The following GIN1 variants were observed in gnomAD, a reference collection of about 807,000 sequenced individuals.
GIN1 encodes the protein gypsy retrotransposon integrase 1.
Under a neutral mutation model 51.4 loss-of-function variants are expected in GIN1, and 41 were observed. The ratio of observed to expected loss-of-function variants is 0.80; its 90% confidence interval spans 0.62 to 1.04. The LOEUF is 1.04. Among genes scored for constraint, GIN1 ranks in the 50% least tolerant of loss-of-function variants. The pLI, the probability that GIN1 is intolerant of heterozygous loss-of-function variation, is 0.00. For synonymous variants in GIN1, 222 were observed against 206.5 expected (o/e 1.07, Z -0.64); for missense variants, 610 against 612.4 (o/e 1.00, Z 0.04).
At chr5:103,109,833 T>A (rs1220760132) in intron 1 of GIN1, among the ~76,000 whole-genome samples, 1 of 152,112 alleles carries the variant, frequency 6.6e-6, no homozygotes. Context: ...TGGATGAGAT[T>A]TAAGACTTTT....
In GIN1 at chr5:103,108,216, A is replaced by G. The variant is rs576385635; in HGVS notation, c.139+353T>C. 9.2e-5 allele frequency among the ~76,000 whole-genome samples: 14 copies of G among 152,158 alleles called. No individual in the cohort carries two copies. The South Asian group carries it at 1.2e-3, about 13-fold the overall frequency. On this transcript the variant is annotated intron_variant, in intron 2 of 7. Transcript: ENST00000399004. ...AAACAAACCAGTTAACTTTGTCAAC[A>G]TTTTCATATTAAGCATCAAAAAAGT...
At chr5:103,112,667 C>T (rs1305084896) in intron 1 of GIN1, among the ~76,000 whole-genome samples, 1 of 152,150 alleles carries the variant, frequency 6.6e-6, no homozygotes, top group African/African-American at 2.4e-5. Context: ...GCTCTAGCAT[C>T]TCAATGAAGC....
At chr5:103,111,084 G>A (rs1286585840) in intron 1 of GIN1, among the ~76,000 whole-genome samples, 1 of 151,926 alleles carries the variant, frequency 6.6e-6, no homozygotes, top group African/African-American at 2.4e-5. Context: ...AATTCATGAA[G>A]CCTTGTGTCG....
Position 103,096,803 on chromosome 5 carries a change from T to A in GIN1, c.1032A>T (p.Glu344Asp). 1 of 1,596,618 alleles carries A rather than the reference T, an allele frequency of 6.3e-7. No individual in the cohort carries two copies. The change falls in exon 7 of 8, where the codon GAA becomes GAT. Residue 344 changes from glutamate (E) to aspartate (D), a missense_variant. Coordinates refer to ENST00000399004, the MANE Select transcript of GIN1 (RefSeq NM_017676.2). ...LGQMENNNLD[E>D]LNKSKIIVKK... ...TAACAATGATCTTGCTTTTATTTAG[T>A]TCATCCAAATTGTTGTTCTCCATCT...
Position 103,097,724 on chromosome 5 carries a change from A to T in GIN1, c.697T>A (p.Ser233Thr), listed in dbSNP as rs1554195301. The stretch of plus-strand genomic sequence containing the variant: ...CTTTCCGTTGGGTTAACAGTTCCAG[A>T]GGTGTGAGAAATTACAATTTGCTTT... ...GIKQIVISHTSGTVNPTESTP... is the reference protein window; with the variant it reads ...GIKQIVISHTTGTVNPTESTP... Residue 233 changes from serine (S) to threonine (T), a missense_variant, in exon 5 of 8, where the codon TCT becomes ACT. By Grantham distance (58) the Ser-to-Thr change is moderately conservative. Transcript: ENST00000399004. 1 of 1,590,028 alleles carries T rather than the reference A, an allele frequency of 6.3e-7. No homozygotes were observed. Among genetic ancestry groups the T allele is most frequent in the South Asian group, 1.1e-5 (1 of 90,644 alleles).
At chr5:103,095,064 G>GTA (rs1427964832) in intron 7 of GIN1, among the ~76,000 whole-genome samples, 1 of 152,194 alleles carries the variant, frequency 6.6e-6, no homozygotes, top group Non-Finnish European at 1.5e-5. Context: ...AAGGCATAGG[G>GTA]TAAGTGTAGG....
At chr5:103,118,774 A>ATACACTACATGGTCCC (rs1788186565) in intron 1 of GIN1, among the ~76,000 whole-genome samples, 1 of 152,044 alleles carries the variant, frequency 6.6e-6, no homozygotes, top group Non-Finnish European at 1.5e-5. Flanking sequence ...AAGCCCATAC[A>ATACACTACATGGTCCC]TATGAGAAAA....
chr5:103,116,460 A>T (rs1788031806), intron 1 of GIN1, among the ~76,000 whole-genome samples: 1 of 152,146 alleles, frequency 6.6e-6, no homozygotes, highest in African/African-American at 2.4e-5. Flanking sequence ...CTCAAATGAT[A>T]TGTAAAAATT....
At chr5:103,097,063 G>C (rs556925119) in intron 6 of GIN1, among the ~76,000 whole-genome samples, 9 of 140,120 alleles carry the variant, frequency 6.4e-5, no homozygotes, top group African/African-American at 2.2e-4. Context: ...CTCAAAAGCA[G>C]TTAAGACTAC....
intron 7 of GIN1, among the ~76,000 whole-genome samples, chr5:103,094,698 T>A (rs1315030681): frequency 1.3e-5 from 2 of 152,126 alleles, no homozygotes; most frequent in Admixed American, 1.3e-4. Context: ...AGAGAGCAAA[T>A]CATGAATGTC....
intron 4 of GIN1, among the ~76,000 whole-genome samples, chr5:103,099,849 T>C (rs1278240620): frequency 2.6e-5 from 4 of 152,210 alleles, no homozygotes; most frequent in African/African-American, 9.6e-5. Flanking sequence ...ATTAGAAACA[T>C]CTGTATTTTT....
chr5:103,115,545 T>A (rs1788009478), intron 1 of GIN1, among the ~76,000 whole-genome samples: 1 of 152,092 alleles, frequency 6.6e-6, no homozygotes, highest in African/African-American at 2.4e-5. Flanking sequence ...TAAGAGTTAT[T>A]ATTTAACTGG....
At chr5:103,112,988 T>G (rs1255175624) in intron 1 of GIN1, among the ~76,000 whole-genome samples, 2 of 152,086 alleles carry the variant, frequency 1.3e-5, no homozygotes, top group Non-Finnish European at 2.9e-5. Flanking sequence ...AAGAGTACTA[T>G]CAAAACAGAT....
Position 103,117,084 on chromosome 5 carries a change from G to A in GIN1, c.-8+2980C>T, listed in dbSNP as rs1463476426. Among the ~76,000 whole-genome samples, 5 of 152,004 alleles carry A rather than the reference G, an allele frequency of 3.3e-5. No individual in the cohort carries two copies. In the East Asian group the frequency reaches 9.6e-4, roughly 29 times the overall value. ...AGAAAATATGTACACCTAAAAACCT[G>A]TAAGTGTATGTTTTTAGAAGTTTTA... On this transcript the variant is annotated intron_variant, in intron 1 of 7. Transcript: ENST00000399004.
chr5:103,102,790 G>C (rs1344748358), intron 4 of GIN1: 8 of 152,132 alleles, frequency 5.3e-5, no homozygotes, highest in Non-Finnish European at 1.5e-5. Context: ...TAAGGTGGGG[G>C]TATCACTTGA....
chr5:103,096,819 T>A lies in GIN1; in HGVS notation c.1016A>T (p.Asn339Ile). ...NKTTSLGQME[N>I]NNLDELNKSK... The stretch of plus-strand genomic sequence containing the variant: ...TTTATTTAGTTCATCCAAATTGTTG[T>A]TCTCCATCTACAAGTGTAAAAAGAA... Residue 339 changes from asparagine to isoleucine, a missense_variant, in exon 7 of 8, where the codon AAC becomes ATC. Physicochemically the swap from Asn to Ile is moderately radical, Grantham distance 149 (BLOSUM62 -3). Coordinates refer to ENST00000399004, the MANE Select transcript of GIN1 (RefSeq NM_017676.2). The A allele has an allele frequency of 1.9e-6, 3 of 1,582,902 alleles. No homozygotes were observed. Among genetic ancestry groups the A allele is most frequent in the Non-Finnish European group, 2.6e-6 (3 of 1,153,624 alleles).
intron 4 of GIN1, among the ~76,000 whole-genome samples, chr5:103,102,998 GAA>G (rs1206504466): frequency 1.3e-5 from 2 of 152,232 alleles, no homozygotes; most frequent in East Asian, 3.8e-4. Context: ...GACCTGTGAA[GAA>G]AAGAGTTAAC....
At chr5:103,111,226 T>C (rs1787873837) in intron 1 of GIN1, among the ~76,000 whole-genome samples, 1 of 152,146 alleles carries the variant, frequency 6.6e-6, no homozygotes, top group Non-Finnish European at 1.5e-5. Context: ...GTGTCCTCTA[T>C]TTTCATCTCT....
At chr5:103,109,290 A>G (rs1175920123) in intron 1 of GIN1, among the ~76,000 whole-genome samples, 1 of 152,052 alleles carries the variant, frequency 6.6e-6, no homozygotes. Flanking sequence ...TTAAAATCCC[A>G]CCAGAATGTC....
Sources: allele counts gnomAD v4.1 joint callset (sites outside exome capture counted in the v4.1 genomes callset), GRCh38; gene constraint gnomAD v4.1.1; transcripts MANE v1.5; gene names NCBI Gene and HGNC (gene_info 2026-07-23, HGNC 2026-07-21).